GNAQ: variants seen among roughly 807,000 people sequenced by gnomAD.
GNAQ encodes guanine nucleotide-binding protein G(q) subunit alpha.
GNAQ carries 8 observed loss-of-function variants against 43.9 expected under a neutral mutation model. That is an observed-to-expected ratio of 0.18 (90% CI 0.11 to 0.33). The LOEUF (loss-of-function observed/expected upper bound fraction) is 0.33. Among genes scored for constraint, GNAQ ranks in the 10% least tolerant of loss-of-function variants. The pLI, the probability that GNAQ is intolerant of heterozygous loss-of-function variation, is 1.00. For missense variants in GNAQ, 158 were observed against 450.8 expected (o/e 0.35, Z 5.88); for synonymous variants, 155 against 170.7 (o/e 0.91, Z 0.71).
intron 2 of GNAQ, among the ~76,000 whole-genome samples, chr9:77,889,447 A>AAAAAAAAT: frequency 1.5e-5 from 2 of 135,098 alleles, no homozygotes; most frequent in Non-Finnish European, 3.2e-5. Context: ...AAAAAAAAAA[A>AAAAAAAAT]ATCCTTAATC....
intron 3 of GNAQ, among the ~76,000 whole-genome samples, chr9:77,799,336 G>A (rs1225771215): frequency 1.3e-5 from 2 of 152,298 alleles, no homozygotes; most frequent in African/African-American, 4.8e-5. Flanking sequence ...ACATAACAAG[G>A]AATGCCTTGT....
At chr9:78,000,654 C>T (rs559809274) in intron 1 of GNAQ, among the ~76,000 whole-genome samples, 1 of 152,280 alleles carries the variant, frequency 6.6e-6, no homozygotes, top group East Asian at 1.9e-4. Context: ...ATTAGCTTTC[C>T]AGTGTGGGAC....
intron 5 of GNAQ, among the ~76,000 whole-genome samples, chr9:77,737,421 C>T (rs1007851445): frequency 6.6e-6 from 1 of 152,210 alleles, no homozygotes; most frequent in African/African-American, 2.4e-5. Flanking sequence ...AACAGGCATT[C>T]CTTCCAGCCT....
chr9:77,904,100 C>T (rs1348641915), intron 2 of GNAQ, among the ~76,000 whole-genome samples: 1 of 152,052 alleles, frequency 6.6e-6, no homozygotes, highest in Non-Finnish European at 1.5e-5. Flanking sequence ...TAAAGCCCAG[C>T]CCTTTTGCCT....
intron 1 of GNAQ, among the ~76,000 whole-genome samples, chr9:78,010,647 A>G (rs979112704): frequency 6.6e-6 from 1 of 152,164 alleles, no homozygotes; most frequent in Non-Finnish European, 1.5e-5. Flanking sequence ...TAAAAACAGC[A>G]ACTTCCTTTC....
intron 4 of GNAQ, among the ~76,000 whole-genome samples, chr9:77,796,613 GGTAAT>G (rs1826663097): frequency 6.6e-6 from 1 of 152,094 alleles, no homozygotes; most frequent in Non-Finnish European, 1.5e-5. Context: ...TGAGAGATGA[GGTAAT>G]AAATTTTCAT....
chr9:78,001,868 C>T (rs764509846), intron 1 of GNAQ, among the ~76,000 whole-genome samples: 1 of 152,174 alleles, frequency 6.6e-6, no homozygotes, highest in Non-Finnish European at 1.5e-5. Flanking sequence ...TTCTACTACA[C>T]AAGTTCTAAG....
chr9:77,900,279 A>G (rs1828581332), intron 2 of GNAQ, among the ~76,000 whole-genome samples: 1 of 152,134 alleles, frequency 6.6e-6, no homozygotes, highest in African/African-American at 2.4e-5. Flanking sequence ...TGTACGAATA[A>G]CACAGTCAAA....
At chr9:77,975,895 C>A (rs569309185) in intron 1 of GNAQ, among the ~76,000 whole-genome samples, 1 of 152,276 alleles carries the variant, frequency 6.6e-6, no homozygotes, top group South Asian at 2.1e-4. Flanking sequence ...GCTCTCACTG[C>A]AATGAGAGTC....
At chr9:77,956,040 T>C (rs1054517946) in intron 1 of GNAQ, among the ~76,000 whole-genome samples, 1 of 152,226 alleles carries the variant, frequency 6.6e-6, no homozygotes, top group Non-Finnish European at 1.5e-5. Flanking sequence ...TTTTGATTTA[T>C]TAAGTTTTTT....
chr9:77,818,441 T>A (rs1358398952), intron 2 of GNAQ, among the ~76,000 whole-genome samples: 1 of 151,392 alleles, frequency 6.6e-6, no homozygotes, highest in Non-Finnish European at 1.5e-5. Flanking sequence ...ACTCTCAATT[T>A]TTTGTAAAAA....
chr9:77,801,192 T>C (rs115663692), intron 3 of GNAQ, among the ~76,000 whole-genome samples: 28 of 152,280 alleles, frequency 1.8e-4, no homozygotes, highest in African/African-American at 5.1e-4. Context: ...ACCTGTCACA[T>C]TGCTTGGATA....
intron 2 of GNAQ, among the ~76,000 whole-genome samples, chr9:77,866,051 T>C (rs1381435169): frequency 6.6e-6 from 1 of 152,230 alleles, no homozygotes; most frequent in Non-Finnish European, 1.5e-5. Context: ...TTACATGAAG[T>C]TCAGTGAGGA....
In GNAQ at chr9:77,731,755, G is replaced by A. The variant is rs914690737; in HGVS notation, c.736-3088C>T. Among the ~76,000 whole-genome samples, 5 of 152,290 alleles carry A rather than the reference G, an allele frequency of 3.3e-5. No homozygotes were observed. In the East Asian group the frequency reaches 5.8e-4, roughly 18 times the overall value. The stretch of plus-strand genomic sequence containing the variant: ...GAGGGTCTGCATTTCTAACAAGACC[G>A]CATTGAGCTGGAAGGTACAGAAAGC... On this transcript the variant is annotated intron_variant, in intron 5 of 6. Coordinates refer to ENST00000286548, the MANE Select transcript of GNAQ (RefSeq NM_002072.5).
chr9:77,920,804 A>C (rs138752747), intron 2 of GNAQ, among the ~76,000 whole-genome samples: 1,588 of 152,352 alleles, frequency 0.01, 18 homozygotes, highest in Non-Finnish European at 0.014. Context: ...AGTATCAATT[A>C]GGTAAGAAAC....
intron 1 of GNAQ, among the ~76,000 whole-genome samples, chr9:77,970,495 C>G (rs1823224543): frequency 6.6e-6 from 1 of 152,260 alleles, no homozygotes; most frequent in South Asian, 2.1e-4. Context: ...CAGGGGCAGT[C>G]CTCTTCCCAT....
intron 5 of GNAQ, among the ~76,000 whole-genome samples, chr9:77,775,939 T>G (rs979275575): frequency 7.9e-5 from 12 of 151,348 alleles, no homozygotes; most frequent in South Asian, 2.1e-4. Context: ...AAATAAAAAA[T>G]AAAAGAAAAG....
intron 2 of GNAQ, among the ~76,000 whole-genome samples, chr9:77,873,312 T>C (rs1828073117): frequency 6.6e-6 from 1 of 152,230 alleles, no homozygotes; most frequent in Non-Finnish European, 1.5e-5. Flanking sequence ...ACATTTATTA[T>C]CATTTTTTAG....
At chr9:77,972,536 G>GT (rs1206291777) in intron 1 of GNAQ, among the ~76,000 whole-genome samples, 1 of 151,996 alleles carries the variant, frequency 6.6e-6, no homozygotes. Context: ...TCCATAATAA[G>GT]TAAGTACTAG....
Sources: allele counts gnomAD v4.1 joint callset (sites outside exome capture counted in the v4.1 genomes callset), GRCh38; gene constraint gnomAD v4.1.1; transcripts MANE v1.5; gene names NCBI Gene and HGNC (gene_info 2026-07-23, HGNC 2026-07-21).